SLC25A48: variants seen among roughly 807,000 people sequenced by gnomAD.
The protein encoded by SLC25A48 is solute carrier family 25 member 48, also known as CTC-321K16.1.
SLC25A48 carries 29 observed loss-of-function variants against 32.2 expected under a neutral mutation model. The observed-to-expected ratio is 0.90, with a 90% CI of 0.67 to 1.23. The LOEUF (loss-of-function observed/expected upper bound fraction) is 1.23, where lower values mean the gene tolerates loss of function less well. Among genes scored for constraint, SLC25A48 ranks in the 50% most tolerant of loss-of-function variants. The pLI, the probability that SLC25A48 is intolerant of heterozygous loss-of-function variation, is 0.00. For synonymous variants in SLC25A48, 164 were observed against 172.3 expected (o/e 0.95, Z 0.38); for missense variants, 399 against 422.7 (o/e 0.94, Z 0.49).
intron 3 of SLC25A48, among the ~76,000 whole-genome samples, chr5:135,769,016 G>A (rs901005282): frequency 1.3e-5 from 2 of 151,600 alleles, no homozygotes; most frequent in Non-Finnish European, 2.9e-5. Context: ...ACACACCTCT[G>A]CGATCTTGTT....
chr5:135,646,999 A>G (rs1355903010), intron 3 of SLC25A48, among the ~76,000 whole-genome samples: 1 of 152,016 alleles, frequency 6.6e-6, no homozygotes, highest in Non-Finnish European at 1.5e-5. Context: ...AGAGAGTGAA[A>G]AATGTTCTCA....
At chr5:135,688,901 A>G (rs1201356739) in intron 3 of SLC25A48, among the ~76,000 whole-genome samples, 1 of 152,210 alleles carries the variant, frequency 6.6e-6, no homozygotes, top group Non-Finnish European at 1.5e-5. Context: ...TAATAATAAT[A>G]ATAGCTATCA....
chr5:135,831,278 C>T (rs867695317), upstream of SLC25A48, among the ~76,000 whole-genome samples: 1 of 152,242 alleles, frequency 6.6e-6, no homozygotes, highest in Admixed American at 6.5e-5. Context: ...TGCCAGCCAC[C>T]AGCAGGACCT....
chr5:135,680,980 T>C (rs186790189), intron 3 of SLC25A48, among the ~76,000 whole-genome samples: 14 of 152,342 alleles, frequency 9.2e-5, no homozygotes, highest in Admixed American at 7.8e-4. Context: ...CATTTTCTTT[T>C]TCTTTTTTTC....
intron 3 of SLC25A48, among the ~76,000 whole-genome samples, chr5:135,769,271 A>G (rs928546972): frequency 4.0e-5 from 6 of 150,478 alleles, no homozygotes; most frequent in African/African-American, 9.8e-5. Context: ...GGGGGGGAGA[A>G]TGATATTACT....
intron 3 of SLC25A48, among the ~76,000 whole-genome samples, chr5:135,688,358 T>C (rs1448270625): frequency 6.6e-6 from 1 of 152,188 alleles, no homozygotes; most frequent in Non-Finnish European, 1.5e-5. Flanking sequence ...AATAGTTGAC[T>C]TTATTGGTGT....
intron 1 of SLC25A48, among the ~76,000 whole-genome samples, chr5:135,836,966 C>CT (rs1758565392): frequency 4.9e-5 from 1 of 20,590 alleles, no homozygotes; most frequent in Non-Finnish European, 1.9e-4. Context: ...TTATCCCCCC[C>CT]CCCACCCCCC....
At chr5:135,773,235 A>G (rs941212692) in intron 3 of SLC25A48, among the ~76,000 whole-genome samples, 4 of 151,398 alleles carry the variant, frequency 2.6e-5, no homozygotes, top group Non-Finnish European at 5.9e-5. Flanking sequence ...AGAGTATGAT[A>G]TTACGCCCAA....
At chr5:135,796,961 C>A (rs1757196796) in intron 3 of SLC25A48, among the ~76,000 whole-genome samples, 1 of 151,752 alleles carries the variant, frequency 6.6e-6, no homozygotes. Context: ...TGATATTTCT[C>A]CCAATATCAA....
At chr5:135,592,890 GAGAA>G (rs1371481112) in intron 1 of SLC25A48, among the ~76,000 whole-genome samples, 7 of 152,196 alleles carry the variant, frequency 4.6e-5, no homozygotes, top group African/African-American at 1.7e-4. Context: ...CAGGCCCAGA[GAGAA>G]AGAGAGAGTG....
intron 1 of SLC25A48, among the ~76,000 whole-genome samples, chr5:135,619,620 C>G (rs1271202265): frequency 6.6e-6 from 1 of 152,196 alleles, no homozygotes; most frequent in African/African-American, 2.4e-5. Context: ...ACAGTCACTT[C>G]TTCCAATGTT....
At chr5:135,715,509 G>A (rs905310874) in intron 3 of SLC25A48, among the ~76,000 whole-genome samples, 12 of 152,158 alleles carry the variant, frequency 7.9e-5, no homozygotes, top group Non-Finnish European at 1.5e-4. Context: ...CCCCTTTGTG[G>A]GCTATTACAG....
chr5:135,835,015 T>A, intron 1 of SLC25A48, 122 bp downstream of exon 1: 1 of 1,264,068 alleles, frequency 7.9e-7, no homozygotes, highest in Non-Finnish European at 1.1e-6. Flanking sequence ...GCGCGCAGCC[T>A]GCTTTGGGGA....
chr5:135,762,869 TGA>T (rs1191712319), intron 3 of SLC25A48, among the ~76,000 whole-genome samples: 1 of 151,956 alleles, frequency 6.6e-6, no homozygotes, highest in Non-Finnish European at 1.5e-5. Context: ...CTGCAGTGTG[TGA>T]GTGTGAGAAA....
intron 6 of SLC25A48, among the ~76,000 whole-genome samples, chr5:135,878,236 C>T (rs1027277250): frequency 8.5e-5 from 13 of 152,138 alleles, no homozygotes; most frequent in African/African-American, 2.4e-4. Context: ...CTGCAGGGCC[C>T]GGGGCTGTGG....
At chr5:135,589,820 G>A (rs1047179686) in intron 1 of SLC25A48, among the ~76,000 whole-genome samples, 2 of 152,026 alleles carry the variant, frequency 1.3e-5, no homozygotes, top group Admixed American at 6.5e-5. Flanking sequence ...TCAGCCTCCC[G>A]AGTAGCTGGG....
chr5:135,739,631 G>C (rs1225660779), intron 3 of SLC25A48, among the ~76,000 whole-genome samples: 1 of 152,222 alleles, frequency 6.6e-6, no homozygotes, highest in African/African-American at 2.4e-5. Context: ...CCATCATCCT[G>C]CTGGATTTAG....
intron 1 of SLC25A48, among the ~76,000 whole-genome samples, chr5:135,616,120 G>A (rs965809758): frequency 9.8e-5 from 15 of 152,314 alleles, no homozygotes; most frequent in Admixed American, 3.3e-4. Context: ...GAAGACTGTC[G>A]CAGGGGCAGA....
intron 3 of SLC25A48, among the ~76,000 whole-genome samples, chr5:135,734,550 G>A (rs1464557810): frequency 2.6e-5 from 4 of 151,982 alleles, no homozygotes; most frequent in African/African-American, 4.8e-5. Context: ...GGAAGGGGCC[G>A]GGTGCGGTGG....
Sources: gnomAD v4.1 joint callset for allele counts (sites outside exome capture counted in the v4.1 genomes callset) on GRCh38, gnomAD v4.1.1 for gene constraint, MANE v1.5 for transcripts, NCBI Gene and HGNC (gene_info 2026-07-23, HGNC 2026-07-21) for gene names.